The following FHOD3 variants were observed in gnomAD, a reference collection of about 807,000 sequenced individuals.
FHOD3 encodes formin homology 2 domain containing 3.
FHOD3 carries 90 observed loss-of-function variants against 173.0 expected under a neutral mutation model. The observed-to-expected ratio is 0.52, with a 90% CI of 0.44 to 0.62. The LOEUF (loss-of-function observed/expected upper bound fraction) is 0.62, where lower values mean the gene tolerates loss of function less well. Among genes scored for constraint, FHOD3 ranks in the 20% least tolerant of loss-of-function variants. FHOD3 has a pLI of 0.00. For missense variants in FHOD3, 1,945 were observed against 2,034.7 expected (o/e 0.96, Z 0.85); for synonymous variants, 828 against 823.0 (o/e 1.01, Z -0.10).
rs1456713538 is a variant in FHOD3 at position 36,615,292 on chromosome 18, A to C, written c.957+3197A>C. 1.3e-5 allele frequency among the ~76,000 whole-genome samples: 2 copies of C among 152,042 alleles called. 1 individual carries two copies. Among genetic ancestry groups the C allele is most frequent in the Non-Finnish European group, 2.9e-5 (2 of 68,016 alleles). On this transcript the variant is annotated intron_variant, in intron 9 of 28. Coordinates refer to ENST00000590592, the MANE Select transcript of FHOD3 (RefSeq NM_001281740.3). ...CTGATATAACTGATCAGTCTTATTA[A>C]TAGTAATACATTTAAAAAATATTTC...
intron 20 of FHOD3, among the ~76,000 whole-genome samples, 163 bp from the exon 21 acceptor site, chr18:36,740,493 T>C (rs534281608): frequency 2.6e-5 from 4 of 152,188 alleles, no homozygotes; most frequent in Non-Finnish European, 5.9e-5. Flanking sequence ...CCCTGAAAAT[T>C]TGGGTCAAGT....
chr18:36,549,315 A>G (rs1198550944), intron 5 of FHOD3, among the ~76,000 whole-genome samples: 2 of 151,852 alleles, frequency 1.3e-5, no homozygotes, highest in African/African-American at 2.4e-5. Flanking sequence ...ATATTTCTCT[A>G]TTACTGAGTT....
At chr18:36,596,399 G>A (rs1044732861) in intron 7 of FHOD3, among the ~76,000 whole-genome samples, 6 of 136,558 alleles carry the variant, frequency 4.4e-5, no homozygotes, top group Middle Eastern at 4.1e-3. Context: ...TAGCCAGCAC[G>A]GTCTCAGTCT....
intron 1 of FHOD3, among the ~76,000 whole-genome samples, chr18:36,339,105 G>C (rs1359779660): frequency 1.3e-5 from 2 of 152,152 alleles, no homozygotes; most frequent in Non-Finnish European, 2.9e-5. Context: ...TCACCTGTGG[G>C]TGGTAGGAAA....
Position 36,731,485 on chromosome 18 carries a change from C to T in FHOD3, c.3576+681C>T, listed in dbSNP as rs545239260. ...AGTGAGCAGAGCCGATGTGTCCCAC[C>T]CACCAATTCCTACAGAAGGGTATTA... On this transcript the variant is annotated intron_variant, in intron 20 of 28. Coordinates refer to ENST00000590592, the MANE Select transcript of FHOD3 (RefSeq NM_001281740.3). Among the ~76,000 whole-genome samples the T allele has an allele frequency of 4.6e-5, 7 of 152,280 alleles. No homozygotes were observed. The East Asian group carries it at 1.4e-3, about 29-fold the overall frequency.
chr18:36,664,863 G>A (rs568745178), intron 14 of FHOD3, among the ~76,000 whole-genome samples: 85 of 151,522 alleles, frequency 5.6e-4, no homozygotes, highest in African/African-American at 1.9e-3. Context: ...TGGGCTGGGC[G>A]CAGTAGCTCA....
At chr18:36,765,043 G>A (rs2043081063) in intron 27 of FHOD3, among the ~76,000 whole-genome samples, 1 of 152,154 alleles carries the variant, frequency 6.6e-6, no homozygotes, top group African/African-American at 2.4e-5. Context: ...GTATGAACTG[G>A]TACAAGAGAT....
At chr18:36,739,735 A>T (rs937337354) in intron 20 of FHOD3, among the ~76,000 whole-genome samples, 5 of 152,232 alleles carry the variant, frequency 3.3e-5, no homozygotes, top group South Asian at 2.1e-4. Context: ...AATAGCATTT[A>T]AAAAAATTTT....
At chr18:36,302,906 C>T (rs2091991791) in intron 1 of FHOD3, among the ~76,000 whole-genome samples, 1 of 152,146 alleles carries the variant, frequency 6.6e-6, no homozygotes, top group African/African-American at 2.4e-5. Context: ...TGGAGCCTTG[C>T]TATTGAGATC....
rs563164500 is a variant in FHOD3 at position 36,340,717 on chromosome 18, A to C, written c.166-14822A>C. Among the ~76,000 whole-genome samples the C allele has an allele frequency of 1.7e-4, 26 of 151,392 alleles. No individual in the cohort carries two copies. In the East Asian group the frequency reaches 4.1e-3, roughly 24 times the overall value. ...AGTGTCACGATCTCGGCTCACTGCA[A>C]GCTCCGCCTTCCGGGTTCATGCCAT... On this transcript the variant is annotated intron_variant, in intron 1 of 28. Coordinates refer to ENST00000590592, the MANE Select transcript of FHOD3 (RefSeq NM_001281740.3).
chr18:36,562,097 A>G (rs916859976), intron 5 of FHOD3, among the ~76,000 whole-genome samples: 5 of 151,756 alleles, frequency 3.3e-5, no homozygotes, highest in African/African-American at 1.2e-4. Context: ...GCTCACTGCA[A>G]CCTCCGCCTC....
intron 1 of FHOD3, among the ~76,000 whole-genome samples, chr18:36,315,854 C>T (rs2044090242): frequency 6.6e-6 from 1 of 152,096 alleles, no homozygotes; most frequent in Non-Finnish European, 1.5e-5. Context: ...ATTTTGGTTA[C>T]CTGATTGGTG....
At chr18:36,550,318 G>A (rs999287248) in intron 5 of FHOD3, among the ~76,000 whole-genome samples, 4 of 143,268 alleles carry the variant, frequency 2.8e-5, no homozygotes, top group Non-Finnish European at 3.0e-5. Flanking sequence ...TTTGCCTGTC[G>A]TATTGCCAAT....
At chr18:36,372,208 G>A (rs2047226810) in intron 2 of FHOD3, among the ~76,000 whole-genome samples, 1 of 152,192 alleles carries the variant, frequency 6.6e-6, no homozygotes, top group Non-Finnish European at 1.5e-5. Flanking sequence ...CAAGAGAAAA[G>A]CCAACACAGT....
At position 36,358,349 on chromosome 18, in the gene FHOD3, A is replaced by G. The variant is rs115576860; in HGVS notation, c.272+2704A>G. On this transcript the variant is annotated intron_variant, in intron 2 of 28. Coordinates refer to ENST00000590592, the MANE Select transcript of FHOD3 (RefSeq NM_001281740.3). Reference sequence around the variant, plus strand: ...GCTGCCATCATCCATCACTGACACTACAGTTCACCTGGGCGACACCTGTCT... The same window carrying G: ...GCTGCCATCATCCATCACTGACACTGCAGTTCACCTGGGCGACACCTGTCT... Among the ~76,000 whole-genome samples the G allele has an allele frequency of 2.5e-3, 377 of 152,334 alleles. 2 individuals are homozygous for G. Among genetic ancestry groups the G allele is most frequent in the African/African-American group, 8.3e-3 (344 of 41,576 alleles).
chr18:36,614,291 C>T (rs980193246), intron 9 of FHOD3, among the ~76,000 whole-genome samples: 3 of 152,284 alleles, frequency 2.0e-5, no homozygotes, highest in Non-Finnish European at 2.9e-5. Flanking sequence ...TTTCACTTAG[C>T]GTGTTTTCAA....
intron 3 of FHOD3, among the ~76,000 whole-genome samples, chr18:36,404,220 C>G (rs983563342): frequency 6.6e-6 from 1 of 152,206 alleles, no homozygotes; most frequent in African/African-American, 2.4e-5. Context: ...CTTTTCTGGA[C>G]TAGCCCCAGG....
At chr18:36,683,902 A>AC (rs1434349557) in intron 15 of FHOD3, among the ~76,000 whole-genome samples, 2 of 152,218 alleles carry the variant, frequency 1.3e-5, no homozygotes, top group African/African-American at 4.8e-5. Flanking sequence ...AGATGCAGTT[A>AC]CCAAAAGTAT....
In FHOD3 at chr18:36,730,696, G is replaced by A; in HGVS notation, c.3468G>A (p.Lys1156=). Reference sequence around the variant, plus strand: ...AAGAGATCATTGTTCTGGATTCCAAGAGGAGTAACGCCATCAATATTGGTC... The same window carrying A: ...AAGAGATCATTGTTCTGGATTCCAAAAGGAGTAACGCCATCAATATTGGTC... ...KRQEIIVLDS[K]RSNAINIGLT... The change falls in exon 20 of 29, where the codon AAG becomes AAA. Residue 1156 remains lysine (K), a synonymous_variant. Coordinates refer to ENST00000590592, the MANE Select transcript of FHOD3 (RefSeq NM_001281740.3). 6.2e-7 allele frequency: 1 copy of A among 1,614,070 alleles called. No homozygotes were observed. The highest frequency in any genetic ancestry group is 8.5e-7 in the Non-Finnish European group (1 of 1,179,982).
Sources: allele counts gnomAD v4.1 joint callset (sites outside exome capture counted in the v4.1 genomes callset), GRCh38; gene constraint gnomAD v4.1.1; transcripts MANE v1.5; gene names NCBI Gene and HGNC (gene_info 2026-07-23, HGNC 2026-07-21).